The following ISM1 variants were observed in gnomAD, a reference collection of about 807,000 sequenced individuals.
ISM1 encodes isthmin 1.
ISM1 carries 25 observed loss-of-function variants against 46.3 expected under a neutral mutation model. That is an observed-to-expected ratio of 0.54 (90% CI 0.39 to 0.75). ISM1 has a LOEUF of 0.75. Among genes scored for constraint, ISM1 ranks in the 30% least tolerant of loss-of-function variants. The pLI is 0.00. For synonymous variants in ISM1, 255 were observed against 256.7 expected, an observed-to-expected ratio of 0.99 and a Z score of 0.06; for missense variants, 536 against 625.4, an observed-to-expected ratio of 0.86 and a Z score of 1.52.
intron 1 of ISM1, among the ~76,000 whole-genome samples, chr20:13,251,947 GA>G (rs1481613658): frequency 6.6e-6 from 1 of 151,778 alleles, no homozygotes; most frequent in African/African-American, 2.4e-5. Context: ...GTAAGTGAGA[GA>G]GTCCAAGCTG....
chr20:13,322,045 G>A, the ISM1 span, among the ~76,000 whole-genome samples: 7 of 152,140 alleles, frequency 4.6e-5, no homozygotes, highest in Non-Finnish European at 7.3e-5. Flanking sequence ...CATGTGTATC[G>A]CTTAAAATAG....
At chr20:13,267,462 T>C (rs1195923396) in intron 1 of ISM1, among the ~76,000 whole-genome samples, 2 of 152,190 alleles carry the variant, frequency 1.3e-5, no homozygotes, top group Non-Finnish European at 2.9e-5. Context: ...CACTTCCCTT[T>C]CCATGTGTAG....
At chr20:13,241,238 G>A (rs1292813200) in intron 1 of ISM1, among the ~76,000 whole-genome samples, 4 of 152,130 alleles carry the variant, frequency 2.6e-5, no homozygotes, top group Non-Finnish European at 5.9e-5. Flanking sequence ...TTGGGTAAAG[G>A]AACAAATGGA....
the ISM1 span, among the ~76,000 whole-genome samples, chr20:13,305,969 C>T: frequency 6.6e-6 from 1 of 152,156 alleles, no homozygotes; most frequent in African/African-American, 2.4e-5. Context: ...TGGATTGAGA[C>T]ACAGCTGCAA....
Position 13,241,723 on chromosome 20 carries a change from G to GTTAGCAAGT in ISM1, c.138+19809_138+19810insTTAGCAAGT, listed in dbSNP as rs1270426719. The stretch of plus-strand genomic sequence containing the variant: ...TACTGGAGCAAGTAAGGTTGTGAAG[G>GTTAGCAAGT]AAGGGCAGTTGGATTTTGGAACAGT... On this transcript the variant is annotated intron_variant, in intron 1 of 5. Coordinates refer to ENST00000262487, the MANE Select transcript of ISM1 (RefSeq NM_080826.2). Among the ~76,000 whole-genome samples, 4 of 152,266 alleles carry GTTAGCAAGT rather than the reference G, an allele frequency of 2.6e-5. No individual in the cohort carries two copies. In the East Asian group the frequency reaches 7.7e-4, roughly 29 times the overall value.
Position 13,221,682 on chromosome 20 carries a change from T to C in ISM1, c.-95T>C. The C allele has an allele frequency of 4.6e-6, 5 of 1,092,160 alleles. No homozygotes were observed. Among genetic ancestry groups the C allele is most frequent in the Non-Finnish European group, 5.8e-6 (5 of 865,016 alleles). The allele number at this position is 1,092,160 out of a possible 1,614,324, so 67.7% of individuals were successfully genotyped here. A position where few individuals can be genotyped will look rare whatever the true frequency, so the allele number is the denominator to read the frequency against. ...GCGGGAGCCGAGGCGGGAGCCGCGC[T>C]GCCGGGCTCCCGGGCTCCTACTCCT... On this transcript the variant is annotated 5_prime_UTR_variant, in exon 1 of 6. Coordinates refer to ENST00000262487, the MANE Select transcript of ISM1 (RefSeq NM_080826.2).
chr20:13,299,178 A>G lies in ISM1; in HGVS notation c.1114A>G (p.Met372Val). 2 of 1,607,946 alleles carry G rather than the reference A, an allele frequency of 1.2e-6. No individual in the cohort carries two copies. The highest frequency in any genetic ancestry group is 1.7e-6 in the Non-Finnish European group (2 of 1,177,244). ...CACTGCCCGGTACTGCATCCGCTCC[A>G]TGCTGTCCCTGGAGAGCACCACGCT... ...KPTARYCIRSMLSLESTTLAA... is the reference protein window; with the variant it reads ...KPTARYCIRSVLSLESTTLAA... The change falls in exon 6 of 6, where the codon ATG (methionine) becomes GTG (valine). Residue 372 changes from methionine to valine, a missense_variant. Physicochemically the swap from Met to Val is conservative, Grantham distance 21. Around this residue, in one of 2 missense-constraint regions of ISM1, gnomAD observed 169 missense variants for 249.3 expected, o/e 0.68. Coordinates refer to ENST00000262487, the MANE Select transcript of ISM1 (RefSeq NM_080826.2). The surrounding 1 kb of genome is among the most constrained non-coding windows in gnomAD (Gnocchi z 5.8).
chr20:13,259,136 A>G (rs574240311), intron 1 of ISM1, among the ~76,000 whole-genome samples: 8 of 152,224 alleles, frequency 5.3e-5, no homozygotes, highest in African/African-American at 1.9e-4. Context: ...TACAAAAATT[A>G]GCCAGGCATG....
downstream of ISM1, among the ~76,000 whole-genome samples, chr20:13,304,338 G>A (rs1458778039): frequency 6.6e-6 from 1 of 152,140 alleles, no homozygotes; most frequent in Non-Finnish European, 1.5e-5. Context: ...GGCTCTGGGT[G>A]GAATCAAAGT....
Position 13,221,675 on chromosome 20 carries a change from G to C in ISM1, c.-102G>C. On this transcript the variant is annotated 5_prime_UTR_variant, in exon 1 of 6. Transcript: ENST00000262487. ...AGCCCTGGCGGGAGCCGAGGCGGGA[G>C]CCGCGCTGCCGGGCTCCCGGGCTCC... The C allele has an allele frequency of 9.6e-7, 1 of 1,043,914 alleles. No individual in the cohort carries two copies. Among genetic ancestry groups the C allele is most frequent in the Non-Finnish European group, 1.2e-6 (1 of 824,568 alleles). 64.7% of individuals were successfully genotyped at this position (1,043,914 alleles called of 1,614,324 possible).
intron 4 of ISM1, among the ~76,000 whole-genome samples, chr20:13,290,474 GC>G (rs2040340628): frequency 1.3e-5 from 2 of 152,030 alleles, no homozygotes; most frequent in South Asian, 2.1e-4. Context: ...ACGGTGAAAT[GC>G]CGTCTCTACT....
At chr20:13,290,989 G>C (rs1188868826) in intron 4 of ISM1, among the ~76,000 whole-genome samples, 1 of 152,168 alleles carries the variant, frequency 6.6e-6, no homozygotes, top group Non-Finnish European at 1.5e-5. Context: ...CCAAGAGAAG[G>C]GTATTGGAAT....
chr20:13,282,862 G>A (rs562202090), intron 3 of ISM1, among the ~76,000 whole-genome samples: 4 of 152,108 alleles, frequency 2.6e-5, no homozygotes, highest in Non-Finnish European at 5.9e-5. Context: ...CTAGCCCTCC[G>A]ACCACACTTT....
downstream of ISM1, among the ~76,000 whole-genome samples, chr20:13,304,452 T>A (rs2040484270): frequency 6.6e-6 from 1 of 152,190 alleles, no homozygotes; most frequent in Admixed American, 6.5e-5. Context: ...TTGGGGTAAG[T>A]CCACCTGTCC....
chr20:13,244,169 A>G (rs2039765677), intron 1 of ISM1: 1 of 152,186 alleles, frequency 6.6e-6, no homozygotes. Context: ...CAGAGAGAAA[A>G]CTTGCCTCAA....
intron 3 of ISM1, among the ~76,000 whole-genome samples, chr20:13,287,961 G>C (rs1237368302): frequency 1.3e-5 from 2 of 152,194 alleles, no homozygotes; most frequent in Non-Finnish European, 2.9e-5. Context: ...CACTGGGAAT[G>C]GCTAGAAGGC....
intron 5 of ISM1, among the ~76,000 whole-genome samples, chr20:13,296,959 A>C (rs1356993772): frequency 6.6e-6 from 1 of 152,118 alleles, no homozygotes; most frequent in Non-Finnish European, 1.5e-5. Context: ...CAGAGGTTGC[A>C]GTGAGCTGAG....
chr20:13,270,359 G>A (rs911557087), intron 1 of ISM1, 145 bp from the exon 2 acceptor site: 2 of 853,564 alleles, frequency 2.3e-6, no homozygotes, highest in Admixed American at 2.8e-5. Flanking sequence ...TAAACCATGG[G>A]TTTGCAAAAC....
intron 1 of ISM1, among the ~76,000 whole-genome samples, chr20:13,254,151 T>G (rs1422909687): frequency 6.6e-6 from 1 of 151,704 alleles, no homozygotes; most frequent in African/African-American, 2.4e-5. Flanking sequence ...GAGAATCACT[T>G]GAGCCCAGGA....
Sources: allele counts gnomAD v4.1 joint callset (sites outside exome capture counted in the v4.1 genomes callset), GRCh38; gene constraint gnomAD v4.1.1; regional missense constraint gnomAD v4.1.1; non-coding constraint Gnocchi (gnomAD v3.1); transcripts MANE v1.5; gene names NCBI Gene and HGNC (gene_info 2026-07-23, HGNC 2026-07-21).